The following CAPSL variants were observed in gnomAD, a reference collection of about 807,000 sequenced individuals.
The protein encoded by CAPSL is calcyphosine like, also known as calcyphosin-like protein.
In CAPSL, 17 loss-of-function variants were observed where a neutral mutation model predicts 21.3. That is an observed-to-expected ratio of 0.80 (90% CI 0.55 to 1.20). CAPSL has a LOEUF of 1.20. Among genes scored for constraint, CAPSL ranks in the 50% most tolerant of loss-of-function variants. The probability of loss-of-function intolerance (pLI) is 0.00; values close to 1 mark genes in which losing one functional copy is unlikely to be tolerated. For missense variants in CAPSL, 289 were observed against 259.3 expected, an observed-to-expected ratio of 1.11 and a Z score of -0.79; for synonymous variants, 102 against 89.3, an observed-to-expected ratio of 1.14 and a Z score of -0.80.
chr5:35,909,717 A>G, intron 4 of CAPSL, 149 bp downstream of exon 4: 1 of 686,222 alleles, frequency 1.5e-6, no homozygotes, highest in African/African-American at 1.8e-5. Context: ...GCAATGGAGA[A>G]GTTTCTAGAT....
At chr5:35,922,333 G>A (rs1278649781) in intron 1 of CAPSL, among the ~76,000 whole-genome samples, 3 of 152,142 alleles carry the variant, frequency 2.0e-5, no homozygotes, top group African/African-American at 7.2e-5. Context: ...GGCCAGAATA[G>A]ACAATTCAGG....
intron 2 of CAPSL, among the ~76,000 whole-genome samples, chr5:35,916,733 T>G (rs1462866589): frequency 6.6e-6 from 1 of 152,174 alleles, no homozygotes; most frequent in Non-Finnish European, 1.5e-5. Context: ...ATTAAAGACT[T>G]ACATGTTAGA....
chr5:35,923,328 C>T (rs1021547804), intron 1 of CAPSL, among the ~76,000 whole-genome samples: 3 of 152,196 alleles, frequency 2.0e-5, no homozygotes, highest in Non-Finnish European at 4.4e-5. Flanking sequence ...CTTTGCACAC[C>T]TTCAGAATAA....
rs769359599 is a variant in CAPSL at position 35,909,976 on chromosome 5, C to T, written c.415G>A (p.Val139Ile). ...TTTGGGTGGTGTTTTGCATTATATA[C>T]TTCACGAAGGTCTTCGATTGTTATA... The part of the protein sequence containing the change: ...GVITIEDLRE[V>I]YNAKHHPKYQ... The change falls in exon 4 of 5, where the codon GTA becomes ATA. Residue 139 changes from valine to isoleucine, a missense_variant. Val to Ile is a conservative substitution (Grantham distance 29, BLOSUM62 3). Coordinates refer to ENST00000651391, the MANE Select transcript of CAPSL (RefSeq NM_001042625.2). 114 of 1,613,860 alleles carry T rather than the reference C, an allele frequency of 7.1e-5. No individual in the cohort carries two copies. Among genetic ancestry groups the T allele is most frequent in the Non-Finnish European group, 9.6e-5 (113 of 1,179,902 alleles).
intron 1 of CAPSL, among the ~76,000 whole-genome samples, chr5:35,928,221 G>A (rs997916988): frequency 3.3e-5 from 5 of 152,178 alleles, no homozygotes; most frequent in African/African-American, 7.2e-5. Context: ...TCATTCAGGA[G>A]GGATGAGTCC....
At chr5:35,920,905 CCA>C in intron 2 of CAPSL, 77 bp downstream of exon 2, 1 of 1,490,822 alleles carries the variant, frequency 6.7e-7, no homozygotes, top group Non-Finnish European at 9.1e-7. Context: ...TTCCCCAAGA[CCA>C]CGTGGCCAAC....
At chr5:35,917,667 G>A (rs1406365253) in intron 2 of CAPSL, among the ~76,000 whole-genome samples, 1 of 152,128 alleles carries the variant, frequency 6.6e-6, no homozygotes, top group Non-Finnish European at 1.5e-5. Flanking sequence ...ATTGAACAAT[G>A]AGAACACATG....
intron 1 of CAPSL, among the ~76,000 whole-genome samples, chr5:35,924,430 G>A (rs1326887992): frequency 6.6e-6 from 1 of 152,186 alleles, no homozygotes; most frequent in Non-Finnish European, 1.5e-5. Context: ...CTTTCTCATA[G>A]GAAAGTGGGA....
intron 4 of CAPSL, among the ~76,000 whole-genome samples, chr5:35,907,176 C>T (rs955081362): frequency 2.6e-5 from 4 of 152,064 alleles, no homozygotes; most frequent in African/African-American, 9.7e-5. Context: ...ATCATATATA[C>T]AAGGAAAGGT....
intron 2 of CAPSL, among the ~76,000 whole-genome samples, chr5:35,910,891 C>T (rs928924065): frequency 6.6e-6 from 1 of 152,152 alleles, no homozygotes; most frequent in African/African-American, 2.4e-5. Flanking sequence ...TGACATTATG[C>T]ATTTGCTAAA....
At position 35,910,025 on chromosome 5, in the gene CAPSL, C is replaced by T. The variant is rs577006534; in HGVS notation, c.366G>A (p.Lys122=). The part of the protein sequence containing the change: ...RKEVIMQAFR[K]LDKTGDGVIT... ...TAACACCATCTCCAGTCTTGTCTAACTTTCTAAAAGCTTGCATGATTACCT... is the reference window on the plus strand; with the variant it reads ...TAACACCATCTCCAGTCTTGTCTAATTTTCTAAAAGCTTGCATGATTACCT... The change falls in exon 4 of 5, where the codon AAG becomes AAA. Residue 122 remains lysine (K), a synonymous_variant. Coordinates refer to ENST00000651391, the MANE Select transcript of CAPSL (RefSeq NM_001042625.2). 2.6e-5 allele frequency: 42 copies of T among 1,613,376 alleles called. No individual in the cohort carries two copies. The African/African-American group carries it at 4.1e-4, about 16-fold the overall frequency.
intron 4 of CAPSL, among the ~76,000 whole-genome samples, chr5:35,905,202 A>G (rs1760649005): frequency 6.6e-6 from 1 of 152,162 alleles, no homozygotes; most frequent in Admixed American, 6.5e-5. Context: ...CCTCCCACCC[A>G]TCCTGGCTTC....
Position 35,910,033 on chromosome 5 carries a change from A to G in CAPSL, c.358T>C (p.Phe120Leu). Residue 120 changes from phenylalanine (F) to leucine (L), a missense_variant, in exon 4 of 5, where the codon TTT becomes CTT. Physicochemically the swap from Phe to Leu is conservative, Grantham distance 22. Coordinates refer to ENST00000651391, the MANE Select transcript of CAPSL (RefSeq NM_001042625.2). ...RARKEVIMQAFRKLDKTGDGV... is the reference protein window; with the variant it reads ...RARKEVIMQALRKLDKTGDGV... ...TCTCCAGTCTTGTCTAACTTTCTAA[A>G]AGCTTGCATGATTACCTCTTTTCTG... 1.2e-6 allele frequency: 2 copies of G among 1,613,022 alleles called. No individual in the cohort carries two copies. The highest frequency in any genetic ancestry group is 1.7e-6 in the Non-Finnish European group (2 of 1,179,682).
chr5:35,911,932 G>T (rs914776893), intron 2 of CAPSL, among the ~76,000 whole-genome samples: 4 of 152,176 alleles, frequency 2.6e-5, no homozygotes, highest in African/African-American at 4.8e-5. Context: ...CCCAGGAAGC[G>T]CAAGGGGTCA....
At chr5:35,937,998 A>G (rs1387033982) in intron 1 of CAPSL, among the ~76,000 whole-genome samples, 1 of 152,264 alleles carries the variant, frequency 6.6e-6, no homozygotes, top group Non-Finnish European at 1.5e-5. Context: ...ACTATTTGAT[A>G]TAATTTTGAA....
intron 1 of CAPSL, among the ~76,000 whole-genome samples, chr5:35,936,614 T>G (rs879746205): frequency 8.5e-5 from 13 of 152,196 alleles, no homozygotes; most frequent in Admixed American, 2.0e-4. Context: ...TTGGTCATTC[T>G]TCCTTTTTAA....
chr5:35,925,643 A>G (rs568177703), intron 1 of CAPSL, among the ~76,000 whole-genome samples: 72 of 152,082 alleles, frequency 4.7e-4, no homozygotes, highest in African/African-American at 1.7e-3. Flanking sequence ...CCTGAGAGCA[A>G]CAGGAGACCG....
intron 2 of CAPSL, among the ~76,000 whole-genome samples, chr5:35,914,731 G>C (rs1242330167): frequency 1.7e-4 from 26 of 152,208 alleles, no homozygotes; most frequent in Admixed American, 5.2e-4. Context: ...GAAATTTATA[G>C]CACTAAATGT....
chr5:35,917,165 C>G (rs368698666), intron 2 of CAPSL, among the ~76,000 whole-genome samples: 2 of 152,212 alleles, frequency 1.3e-5, no homozygotes, highest in Middle Eastern at 3.4e-3. Flanking sequence ...ACCACAATGA[C>G]ATACCATCTC....
Sources: gnomAD v4.1 joint callset for allele counts (sites outside exome capture counted in the v4.1 genomes callset) on GRCh38, gnomAD v4.1.1 for gene constraint, MANE v1.5 for transcripts, NCBI Gene and HGNC (gene_info 2026-07-23, HGNC 2026-07-21) for gene names.